RIMS1: variants seen among roughly 807,000 people sequenced by gnomAD.
RIMS1 encodes regulating synaptic membrane exocytosis protein 1.
Under a neutral mutation model 214.1 loss-of-function variants are expected in RIMS1, and 83 were observed. The ratio of observed to expected loss-of-function variants is 0.39; its 90% CI spans 0.32 to 0.47. RIMS1 has a LOEUF of 0.47. RIMS1 is among the 20% of genes least tolerant of loss of function. The pLI, the probability that RIMS1 is intolerant of heterozygous loss-of-function variation, is 0.99. For synonymous variants in RIMS1, 793 were observed against 786.8 expected, an observed-to-expected ratio of 1.01 and a Z score of -0.13; for missense variants, 2,050 against 2,161.8, an observed-to-expected ratio of 0.95 and a Z score of 1.03.
At chr6:72,225,323 C>T (rs926107495) in intron 6 of RIMS1, among the ~76,000 whole-genome samples, 1 of 152,104 alleles carries the variant, frequency 6.6e-6, no homozygotes, top group African/African-American at 2.4e-5. Flanking sequence ...TAAAATTCAT[C>T]TTTATTATCA....
chr6:71,916,700 G>A (rs1778531146), intron 1 of RIMS1, among the ~76,000 whole-genome samples: 1 of 152,114 alleles, frequency 6.6e-6, no homozygotes, highest in Non-Finnish European at 1.5e-5. Flanking sequence ...ATTCAAAAGG[G>A]ATATTGCTCA....
intron 1 of RIMS1, among the ~76,000 whole-genome samples, chr6:71,918,951 C>G (rs1229246441): frequency 2.0e-5 from 3 of 152,058 alleles, no homozygotes; most frequent in Admixed American, 6.5e-5. Flanking sequence ...TAGAAGGATA[C>G]TAATGCCAAG....
chr6:72,009,327 G>C (rs142270779), intron 2 of RIMS1, among the ~76,000 whole-genome samples: 1 of 152,122 alleles, frequency 6.6e-6, no homozygotes, highest in Non-Finnish European at 1.5e-5. Context: ...TTAAAGCAGT[G>C]TGTAGAGGGA....
At chr6:72,211,283 T>TAA (rs2053764715) in intron 6 of RIMS1, among the ~76,000 whole-genome samples, 1 of 152,206 alleles carries the variant, frequency 6.6e-6, no homozygotes, top group South Asian at 2.1e-4. Flanking sequence ...AGTTAGCCAG[T>TAA]AAACTCAGTA....
At chr6:72,232,366 G>C (rs1341378607) in intron 6 of RIMS1, among the ~76,000 whole-genome samples, 2 of 151,534 alleles carry the variant, frequency 1.3e-5, no homozygotes, top group Admixed American at 6.6e-5. Flanking sequence ...ACTAAAGAGA[G>C]AGCTACTTTA....
At chr6:71,949,038 G>T (rs1788675147) in intron 1 of RIMS1, among the ~76,000 whole-genome samples, 1 of 152,210 alleles carries the variant, frequency 6.6e-6, no homozygotes, top group African/African-American at 2.4e-5. Context: ...TGTAAAGGCT[G>T]CCTTGTCCCT....
At chr6:72,120,021 T>C (rs1304545981) in intron 4 of RIMS1, among the ~76,000 whole-genome samples, 1 of 151,908 alleles carries the variant, frequency 6.6e-6, no homozygotes, top group Non-Finnish European at 1.5e-5. Context: ...CCATGATGTA[T>C]ATGGGCCACA....
chr6:72,166,298 CTG>C (rs1263578733), intron 4 of RIMS1, among the ~76,000 whole-genome samples: 20 of 108,710 alleles, frequency 1.8e-4, no homozygotes, highest in Non-Finnish European at 4.0e-4. Flanking sequence ...TCCTTGGTGT[CTG>C]TTTTTTTTTT....
At chr6:72,178,917 A>G (rs1158107729) in intron 4 of RIMS1, among the ~76,000 whole-genome samples, 1 of 152,236 alleles carries the variant, frequency 6.6e-6, no homozygotes, top group Non-Finnish European at 1.5e-5. Context: ...GTGGTCACAT[A>G]TGAATAAACT....
intron 29 of RIMS1, among the ~76,000 whole-genome samples, chr6:72,382,569 A>G (rs983707132): frequency 1.3e-5 from 2 of 152,206 alleles, no homozygotes; most frequent in African/African-American, 2.4e-5. Flanking sequence ...TGAGATTATT[A>G]AGGATAGCAT....
intron 2 of RIMS1, among the ~76,000 whole-genome samples, chr6:72,045,846 A>G (rs1438581460): frequency 4.1e-5 from 6 of 147,168 alleles, no homozygotes; most frequent in East Asian, 4.0e-4. Flanking sequence ...CCCTCCCTCA[A>G]TTTGGGTCTT....
chr6:72,319,460 G>A (rs1249981529), intron 28 of RIMS1, among the ~76,000 whole-genome samples: 1 of 152,150 alleles, frequency 6.6e-6, no homozygotes, highest in African/African-American at 2.4e-5. Context: ...CTGAAGTTAA[G>A]GGAATGGTTA....
chr6:72,069,085 G>A (rs1211532190), intron 2 of RIMS1, among the ~76,000 whole-genome samples: 2 of 152,184 alleles, frequency 1.3e-5, no homozygotes, highest in Admixed American at 6.5e-5. Context: ...ATGTACAGTG[G>A]AGGCTAACAA....
intron 2 of RIMS1, among the ~76,000 whole-genome samples, chr6:71,986,975 G>C (rs76800677): frequency 0.016 from 2,486 of 152,268 alleles, 79 homozygotes; most frequent in African/African-American, 0.055. Flanking sequence ...AGATGGTAGC[G>C]TTTACAGAGT....
intron 1 of RIMS1, among the ~76,000 whole-genome samples, chr6:71,888,636 CAGAT>C (rs1768602985): frequency 6.6e-6 from 1 of 152,196 alleles, no homozygotes; most frequent in African/African-American, 2.4e-5. Context: ...AACTGACACT[CAGAT>C]AGGGGAGGGG....
At chr6:71,899,386 C>T (rs1582076544) in intron 1 of RIMS1, among the ~76,000 whole-genome samples, 1 of 151,820 alleles carries the variant, frequency 6.6e-6, no homozygotes, top group East Asian at 1.9e-4. Flanking sequence ...GGTTTGACTT[C>T]AATTACTGTG....
At chr6:72,304,150 A>G (rs1433827507) in intron 26 of RIMS1, among the ~76,000 whole-genome samples, 1 of 151,672 alleles carries the variant, frequency 6.6e-6, no homozygotes, top group Admixed American at 6.6e-5. Flanking sequence ...ATTTTCTATA[A>G]AGAAATAGCA....
intron 6 of RIMS1, among the ~76,000 whole-genome samples, chr6:72,193,036 G>T (rs1588882859): frequency 6.6e-6 from 1 of 152,112 alleles, no homozygotes; most frequent in East Asian, 1.9e-4. Context: ...TCCTTAAAGG[G>T]CTCTTCACCA....
chr6:72,299,978 A>G (rs943070114), intron 26 of RIMS1, among the ~76,000 whole-genome samples: 3 of 151,774 alleles, frequency 2.0e-5, no homozygotes, highest in African/African-American at 7.2e-5. Flanking sequence ...CAAGTTTCTT[A>G]ATATTCCTGG....
Sources: gnomAD v4.1 joint callset for allele counts (sites outside exome capture counted in the v4.1 genomes callset) on GRCh38, gnomAD v4.1.1 for gene constraint, MANE v1.5 for transcripts, NCBI Gene and HGNC (gene_info 2026-07-23, HGNC 2026-07-21) for gene names.